APBB2: variants seen among roughly 807,000 people sequenced by gnomAD.
APBB2 encodes amyloid beta precursor protein binding family B member 2.
A neutral mutation model predicts 82.5 loss-of-function variants in APBB2; 38 were observed. That is an observed-to-expected ratio of 0.46 (90% CI 0.36 to 0.60). The LOEUF (loss-of-function observed/expected upper bound fraction) is 0.60, where lower values mean the gene tolerates loss of function less well. APBB2 is among the 20% of genes least tolerant of loss of function. The pLI is 0.00. For missense variants in APBB2, 772 were observed against 972.3 expected, an observed-to-expected ratio of 0.79 and a Z score of 2.74; for synonymous variants, 341 against 368.2, an observed-to-expected ratio of 0.93 and a Z score of 0.85.
At chr4:40,878,025 G>A (rs751735947) in intron 12 of APBB2, among the ~76,000 whole-genome samples, 2 of 151,588 alleles carry the variant, frequency 1.3e-5, no homozygotes, top group Non-Finnish European at 3.0e-5. Context: ...GGCAGACTTG[G>A]CAAGACAGGG....
chr4:40,889,610 T>G (rs1253577892), intron 12 of APBB2, among the ~76,000 whole-genome samples: 1 of 152,248 alleles, frequency 6.6e-6, no homozygotes, highest in African/African-American at 2.4e-5. Context: ...ATTTAAGAAT[T>G]AACTGCATTT....
intron 1 of APBB2, among the ~76,000 whole-genome samples, chr4:41,206,965 A>C (rs1027308602): frequency 1.2e-4 from 18 of 152,220 alleles, no homozygotes; most frequent in African/African-American, 4.3e-4. Flanking sequence ...TGAGAGGCTG[A>C]GGCGGGCAGA....
At chr4:41,174,923 C>T (rs535088116) in intron 1 of APBB2, among the ~76,000 whole-genome samples, 35 of 152,330 alleles carry the variant, frequency 2.3e-4, no homozygotes, top group East Asian at 1.9e-4. Context: ...GCATCACTTA[C>T]ATCATTTTGG....
chr4:40,994,063 G>GCAGAT (rs916563909), intron 6 of APBB2, among the ~76,000 whole-genome samples: 1 of 152,056 alleles, frequency 6.6e-6, no homozygotes, highest in Non-Finnish European at 1.5e-5. Context: ...GCCAAGGCAG[G>GCAGAT]CAGATCACAA....
rs542223212 is a variant in APBB2 at position 41,119,568 on chromosome 4, A to G, written c.-260-18818T>C. On this transcript the variant is annotated intron_variant, in intron 2 of 17. Transcript: ENST00000508593. Reference sequence around the variant, plus strand: ...GTTGGCAATTTTTTTTTCCTTAAAAATCGCAGTCCCAATTCCCAAGTTCTA... The same window carrying G: ...GTTGGCAATTTTTTTTTCCTTAAAAGTCGCAGTCCCAATTCCCAAGTTCTA... Among the ~76,000 whole-genome samples the G allele has an allele frequency of 1.4e-3, 210 of 151,684 alleles. 1 individual carries two copies. The highest frequency in any genetic ancestry group is 4.9e-3 in the African/African-American group (203 of 41,314).
intron 5 of APBB2, among the ~76,000 whole-genome samples, chr4:41,032,778 CTTTTT>C (rs11421268): frequency 0.14 from 11,945 of 83,908 alleles, 250 homozygotes; most frequent in East Asian, 0.21. Context: ...ATTTTTCTTT[CTTTTT>C]TTTTTTTTTT....
rs941930094 is a variant in APBB2 at position 41,054,280 on chromosome 4, C to A, written c.-51+11296G>T. Among the ~76,000 whole-genome samples, 4 of 152,308 alleles carry A rather than the reference C, an allele frequency of 2.6e-5. No homozygotes were observed. The East Asian group carries it at 7.7e-4, about 29-fold the overall frequency. On this transcript the variant is annotated intron_variant, in intron 4 of 17. Transcript: ENST00000508593. ...GAGACAATAAATGCTTTCCCAGCAA[C>A]CTCACTCCCATCCCAGTGGACTTAT...
At chr4:41,140,132 C>A (rs552676498) in intron 2 of APBB2, among the ~76,000 whole-genome samples, 10 of 152,284 alleles carry the variant, frequency 6.6e-5, no homozygotes, top group Admixed American at 1.3e-4. Flanking sequence ...CTCCTTAAAA[C>A]AGAAAGCTGA....
At position 40,982,269 on chromosome 4, in the gene APBB2, A is replaced by AGAAGGAAG. The variant is rs1560446069; in HGVS notation, c.835+31313_835+31314insCTTCCTTC. ...AAGAAAGAAAGAAAGAAAGAAAGAA[A>AGAAGGAAG]GAAAGAAAGAAAGAAGGAAGGAAGG... On this transcript the variant is annotated intron_variant, in intron 6 of 17. Transcript: ENST00000508593. Among the ~76,000 whole-genome samples, 2 of 33,426 alleles carry AGAAGGAAG rather than the reference A, an allele frequency of 6.0e-5. 1 individual carries two copies. Among genetic ancestry groups the AGAAGGAAG allele is most frequent in the African/African-American group, 2.6e-4 (2 of 7,708 alleles). 21.9% of individuals were successfully genotyped at this position (33,426 alleles called of 152,430 possible).
intron 5 of APBB2, among the ~76,000 whole-genome samples, chr4:41,027,364 C>CACACACATATAT (rs1231769191): frequency 2.4e-5 from 3 of 127,414 alleles, no homozygotes; most frequent in African/African-American, 8.8e-5. Context: ...CATATTGTTA[C>CACACACATATAT]ATATATATAT....
intron 2 of APBB2, among the ~76,000 whole-genome samples, chr4:41,120,070 G>C (rs1470315812): frequency 4.6e-5 from 7 of 152,166 alleles, no homozygotes; most frequent in Non-Finnish European, 7.3e-5. Flanking sequence ...CTTACGAGTT[G>C]AAGTCAAGAC....
At chr4:40,863,891 C>CAAAAA (rs60135616) in intron 12 of APBB2, among the ~76,000 whole-genome samples, 5,421 of 32,984 alleles carry the variant, frequency 0.16, 1,184 homozygotes, top group Non-Finnish European at 0.24. Flanking sequence ...GAGACTGTCT[C>CAAAAA]AAAAAAAAAA....
At chr4:40,883,315 G>A (rs544625784) in intron 12 of APBB2, among the ~76,000 whole-genome samples, 14 of 152,082 alleles carry the variant, frequency 9.2e-5, no homozygotes, top group Admixed American at 2.0e-4. Flanking sequence ...AGAGCGAGAC[G>A]GTGGCTCACA....
chr4:40,880,146 C>T (rs766217848), intron 12 of APBB2: 9 of 985,282 alleles, frequency 9.1e-6, no homozygotes, highest in Non-Finnish European at 9.6e-6. Context: ...GCACACAGAG[C>T]GCCCCTAACA....
intron 1 of APBB2, among the ~76,000 whole-genome samples, chr4:41,153,504 C>G (rs1387621812): frequency 6.6e-6 from 1 of 152,220 alleles, no homozygotes; most frequent in African/African-American, 2.4e-5. Context: ...CCCCTACTAT[C>G]TCATCTGTAA....
At chr4:40,974,364 G>T (rs1796658833) in intron 6 of APBB2, among the ~76,000 whole-genome samples, 1 of 152,160 alleles carries the variant, frequency 6.6e-6, no homozygotes, top group Non-Finnish European at 1.5e-5. Context: ...CTGTTTGAGG[G>T]TAGGGAGAAA....
intron 10 of APBB2, among the ~76,000 whole-genome samples, chr4:40,928,862 A>T (rs1783375921): frequency 6.6e-6 from 1 of 151,268 alleles, no homozygotes; most frequent in African/African-American, 2.4e-5. Flanking sequence ...TCCAGCCTGG[A>T]TGACAGAGTG....
chr4:40,967,845 T>G (rs1038658076), intron 6 of APBB2, among the ~76,000 whole-genome samples: 2 of 152,160 alleles, frequency 1.3e-5, no homozygotes, highest in Admixed American at 6.5e-5. Context: ...CCTGTGACAT[T>G]TGTACCCCTA....
chr4:40,979,369 A>G (rs1369284116), intron 6 of APBB2, among the ~76,000 whole-genome samples: 4 of 152,156 alleles, frequency 2.6e-5, no homozygotes, highest in East Asian at 1.9e-4. Context: ...CCCTCCCCCA[A>G]CTATAGGCAA....
Sources: allele counts gnomAD v4.1 joint callset (sites outside exome capture counted in the v4.1 genomes callset), GRCh38; gene constraint gnomAD v4.1.1; transcripts MANE v1.5; gene names NCBI Gene and HGNC (gene_info 2026-07-23, HGNC 2026-07-21).